Variants in GSE1 observed in about 807,000 individuals in gnomAD.
GSE1 encodes the protein genetic suppressor element 1.
In GSE1, 32 loss-of-function variants were observed where a neutral mutation model predicts 112.6. The ratio of observed to expected loss-of-function variants is 0.28; its 90% CI spans 0.21 to 0.38. GSE1 has a LOEUF of 0.38. GSE1 is among the 10% of genes least tolerant of loss of function. The pLI is 1.00. For synonymous variants in GSE1, 1,115 were observed against 735.6 expected, an observed-to-expected ratio of 1.52 and a Z score of -8.35; for missense variants, 2,348 against 1,699.2, an observed-to-expected ratio of 1.38 and a Z score of -6.71.
chr16:85,248,536 C>G (rs890076060), intron 1 of GSE1, among the ~76,000 whole-genome samples: 11 of 152,114 alleles, frequency 7.2e-5, no homozygotes, highest in African/African-American at 2.4e-4. Flanking sequence ...CTCTCTCTCT[C>G]TCTCTGAGCA....
chr16:85,622,234 C>T (rs2048787502), intron 1 of GSE1, among the ~76,000 whole-genome samples: 1 of 152,166 alleles, frequency 6.6e-6, no homozygotes, highest in Non-Finnish European at 1.5e-5. Flanking sequence ...AGCTCCATTC[C>T]AAAGTCCATC....
At chr16:85,177,420 C>T (rs913729284) in intron 1 of GSE1, among the ~76,000 whole-genome samples, 1 of 152,234 alleles carries the variant, frequency 6.6e-6, no homozygotes, top group East Asian at 1.9e-4. Flanking sequence ...TGTCTGTCCT[C>T]GGAGAAGAGC....
chr16:85,462,626 G>A (rs1168166085), intron 2 of GSE1, among the ~76,000 whole-genome samples: 1 of 148,354 alleles, frequency 6.7e-6, no homozygotes, highest in Non-Finnish European at 1.5e-5. Context: ...GTCTTGACAA[G>A]CGCGTTATCA....
intron 1 of GSE1, among the ~76,000 whole-genome samples, chr16:85,633,026 G>A (rs888636705): frequency 1.3e-5 from 2 of 152,160 alleles, no homozygotes; most frequent in Admixed American, 6.5e-5. Flanking sequence ...CGCCGCCGCC[G>A]CCGCTGTCAC....
chr16:85,611,519 C>A, upstream of GSE1: 1 of 979,666 alleles, frequency 1.0e-6, no homozygotes, highest in Non-Finnish European at 1.2e-6. Context: ...CCAGGGCCGG[C>A]CAGCGTCCGC....
At chr16:85,338,910 G>A (rs1051268231) in intron 1 of GSE1, among the ~76,000 whole-genome samples, 4 of 152,234 alleles carry the variant, frequency 2.6e-5, no homozygotes, top group South Asian at 2.1e-4. Flanking sequence ...GAATGAGCGC[G>A]TGTCTGCAGA....
intron 1 of GSE1, among the ~76,000 whole-genome samples, chr16:85,629,196 C>T (rs550695304): frequency 6.6e-6 from 1 of 152,150 alleles, no homozygotes; most frequent in African/African-American, 2.4e-5. Context: ...AGTCAGGAGC[C>T]AAAATAAGCC....
intron 1 of GSE1, among the ~76,000 whole-genome samples, chr16:85,174,500 A>G (rs2074421026): frequency 6.6e-6 from 1 of 152,240 alleles, no homozygotes; most frequent in Non-Finnish European, 1.5e-5. Context: ...AATGCCGGAA[A>G]TGCAGCCTTC....
intron 1 of GSE1, among the ~76,000 whole-genome samples, chr16:85,185,527 A>G (rs1007857813): frequency 6.6e-6 from 1 of 152,226 alleles, no homozygotes; most frequent in African/African-American, 2.4e-5. Context: ...GCACGCTTGG[A>G]ATACCCACTG....
chr16:85,191,782 C>T (rs1277127170), intron 1 of GSE1, among the ~76,000 whole-genome samples: 1 of 152,158 alleles, frequency 6.6e-6, no homozygotes, highest in Non-Finnish European at 1.5e-5. Flanking sequence ...GCCGCTTGTG[C>T]TGATGCAACA....
At chr16:85,420,221 T>C (rs535978983) in intron 2 of GSE1, among the ~76,000 whole-genome samples, 3 of 152,100 alleles carry the variant, frequency 2.0e-5, no homozygotes, top group Admixed American at 1.3e-4. Flanking sequence ...ACCCCATTTC[T>C]TTTTGTGTGC....
intron 2 of GSE1, among the ~76,000 whole-genome samples, chr16:85,464,275 G>A (rs2050062245): frequency 1.3e-5 from 2 of 152,062 alleles, no homozygotes. Flanking sequence ...GGTAGAAAGA[G>A]CTTAAAACAA....
At chr16:85,169,857 C>T (rs2074329597) in exon 1 of GSE1, 1 of 984,404 alleles carries the variant, frequency 1.0e-6, no homozygotes, top group Non-Finnish European at 1.2e-6. Context: ...TGGACAAGCG[C>T]ATGTACTGGC....
At chr16:85,316,673 G>T (rs1253785780) in intron 1 of GSE1, among the ~76,000 whole-genome samples, 1 of 152,210 alleles carries the variant, frequency 6.6e-6, no homozygotes, top group Non-Finnish European at 1.5e-5. Context: ...CTCACTGGGG[G>T]CTGCACATCA....
intron 1 of GSE1, chr16:85,580,077 T>G (rs2046386871): frequency 6.6e-6 from 1 of 151,020 alleles, no homozygotes; most frequent in Non-Finnish European, 1.5e-5. Context: ...AAGGGTGGAG[T>G]TTTGATGGGA....
intron 2 of GSE1, among the ~76,000 whole-genome samples, chr16:85,395,821 C>T (rs1176500833): frequency 2.1e-5 from 3 of 145,726 alleles, no homozygotes; most frequent in African/African-American, 5.0e-5. Flanking sequence ...CCAGGCTCTG[C>T]CCTGTTCCCA....
intron 1 of GSE1, among the ~76,000 whole-genome samples, chr16:85,329,522 T>C (rs2046295664): frequency 6.6e-6 from 1 of 151,814 alleles, no homozygotes; most frequent in African/African-American, 2.4e-5. Flanking sequence ...GGGCACCCGC[T>C]GGCCCCAGGC....
At chr16:85,639,478 C>T (rs952911011) in intron 2 of GSE1, among the ~76,000 whole-genome samples, 7 of 145,102 alleles carry the variant, frequency 4.8e-5, no homozygotes, top group African/African-American at 1.7e-4. Flanking sequence ...ATTCTGACTC[C>T]CCTCTAAGCC....
At chr16:85,368,405 TC>T (rs1417727695) in intron 2 of GSE1, among the ~76,000 whole-genome samples, 1 of 152,096 alleles carries the variant, frequency 6.6e-6, no homozygotes, top group African/African-American at 2.4e-5. Flanking sequence ...AAATGCCTTC[TC>T]TAAAAGATAC....
Sources: gnomAD v4.1 joint callset for allele counts (sites outside exome capture counted in the v4.1 genomes callset) on GRCh38, gnomAD v4.1.1 for gene constraint, MANE v1.5 for transcripts, NCBI Gene and HGNC (gene_info 2026-07-23, HGNC 2026-07-21) for gene names.